Variants in MS4A18 observed in about 807,000 individuals in gnomAD.
MS4A18 encodes membrane spanning 4-domains A18, also known as membrane-spanning 4-domains subfamily A member 18.
MS4A18 carries 27 observed loss-of-function variants against 13.1 expected under a neutral mutation model. The ratio of observed to expected loss-of-function variants is 2.06; its 90% confidence interval spans 1.52 to 2.84. MS4A18 has a LOEUF of 2.84. Ranked by LOEUF, MS4A18 falls within the 30% of genes most tolerant of loss-of-function variation. The probability of loss-of-function intolerance (pLI) is 0.00; values close to 1 mark genes in which losing one functional copy is unlikely to be tolerated. For missense variants in MS4A18, 307 were observed against 196.4 expected (o/e 1.56, Z -3.37); for synonymous variants, 126 against 76.5 (o/e 1.65, Z -3.38).
At chr11:60,734,535 T>C (rs970391952) in intron 2 of MS4A18, among the ~76,000 whole-genome samples, 4 of 152,176 alleles carry the variant, frequency 2.6e-5, no homozygotes, top group Non-Finnish European at 5.9e-5. Flanking sequence ...TTCAGTATAT[T>C]TCATCTTGCA....
intron 5 of MS4A18, among the ~76,000 whole-genome samples, chr11:60,743,319 T>C (rs1417113750): frequency 6.6e-6 from 1 of 152,252 alleles, no homozygotes; most frequent in Admixed American, 6.5e-5. Flanking sequence ...CTGGATAGTA[T>C]TGGGCAGTCC....
chr11:60,737,010 T>C, exon 3 of MS4A18: 3 of 702,630 alleles, frequency 4.3e-6, no homozygotes, highest in Non-Finnish European at 7.8e-6. Context: ...CAGTATGGGC[T>C]GCAAAGGACC....
At chr11:60,726,234 G>T (rs115031664), upstream of MS4A18, among the ~76,000 whole-genome samples, 2,458 of 152,286 alleles carry the variant, frequency 0.016, 64 homozygotes, top group African/African-American at 0.057. Flanking sequence ...GAAGACAGGG[G>T]TGAATGCCTT....
chr11:60,731,720 C>T (rs547438126), intron 1 of MS4A18, among the ~76,000 whole-genome samples: 1 of 152,308 alleles, frequency 6.6e-6, no homozygotes, highest in East Asian at 1.9e-4. Flanking sequence ...TAACATTGTT[C>T]TCAAACAGTT....
At chr11:60,726,717 CT>C (rs1241356109), upstream of MS4A18, among the ~76,000 whole-genome samples, 2 of 124,910 alleles carry the variant, frequency 1.6e-5, no homozygotes, top group Non-Finnish European at 3.4e-5. Flanking sequence ...TGGGGTAACA[CT>C]TTTATTTTAT....
exon 4 of MS4A18, chr11:60,738,937 A>C (rs1259605339): frequency 2.8e-6 from 2 of 702,608 alleles, no homozygotes; most frequent in East Asian, 5.4e-5. Flanking sequence ...TCATCAGCGC[A>C]CTCTTCGCCT....
At chr11:60,726,866 C>T (rs374593324), upstream of MS4A18, among the ~76,000 whole-genome samples, 2 of 151,668 alleles carry the variant, frequency 1.3e-5, no homozygotes, top group African/African-American at 2.4e-5. Context: ...TCTATCAACC[C>T]GTCATCTAGG....
intron 1 of MS4A18, among the ~76,000 whole-genome samples, chr11:60,732,437 T>TA: frequency 6.6e-6 from 1 of 152,058 alleles, no homozygotes; most frequent in Non-Finnish European, 1.5e-5. Flanking sequence ...TTGAAATACT[T>TA]ACTGCATTCA....
In MS4A18 at chr11:60,741,018, CTT is replaced by C. The variant is rs1590965584; in HGVS notation, c.745-10_745-9del. 1.4e-6 allele frequency: 1 copy of C among 703,032 alleles called. No homozygotes were observed. The highest frequency in any genetic ancestry group is 2.7e-5 in the East Asian group (1 of 37,292). 43.5% of individuals were successfully genotyped at this position (703,032 alleles called of 1,614,324 possible). A position where few individuals can be genotyped will look rare whatever the true frequency, so the allele number is the denominator to read the frequency against. ...GAAGGACTAAATGCCTTCCATTTCT[CTT>C]TGCCTTTAGACATATTCAAAGGCGG... On this transcript the variant is annotated splice_polypyrimidine_tract_variant and intron_variant, in intron 4 of 5. Transcript: ENST00000529108.
chr11:60,737,121 G>A (rs1565060874), intron 3 of MS4A18, 87 bp downstream of exon 4: 17 of 697,428 alleles, frequency 2.4e-5, no homozygotes, highest in Non-Finnish European at 4.2e-5. Context: ...CACAGTAGTG[G>A]TGTGGCCTGG....
intron 1 of MS4A18, among the ~76,000 whole-genome samples, chr11:60,732,730 CAAAA>C (rs200295786): frequency 2.8e-5 from 2 of 71,010 alleles, no homozygotes; most frequent in Non-Finnish European, 3.3e-5. Context: ...GACTCCGTCT[CAAAA>C]AAAAAAAAAA....
chr11:60,740,958 C>T, intron 4 of MS4A18, 72 bp from the exon 6 acceptor site: 1 of 700,674 alleles, frequency 1.4e-6, no homozygotes. Context: ...GTGTGTGGCA[C>T]TCCAAATGTG....
chr11:60,744,220 G>A, downstream of MS4A18: 1 of 526,684 alleles, frequency 1.9e-6, no homozygotes, highest in South Asian at 2.3e-5. Flanking sequence ...TTGGCTCTCA[G>A]TATCTTTTAA....
chr11:60,737,143 G>A, intron 3 of MS4A18, 109 bp downstream of exon 4: 2 of 679,180 alleles, frequency 2.9e-6, no homozygotes, highest in South Asian at 1.6e-5. Flanking sequence ...CCTGGCCCTG[G>A]GTACAGTGCA....
intron 1 of MS4A18, among the ~76,000 whole-genome samples, chr11:60,731,405 A>G (rs1291225069): frequency 6.6e-6 from 1 of 152,252 alleles, no homozygotes. Context: ...GACTATCTTT[A>G]ATCAATTACA....
chr11:60,739,952 A>G (rs1175102509), intron 4 of MS4A18, among the ~76,000 whole-genome samples: 3 of 152,212 alleles, frequency 2.0e-5, no homozygotes, highest in African/African-American at 7.2e-5. Flanking sequence ...ACATGTCTAC[A>G]GGGGTGAGGG....
exon 6 of MS4A18, chr11:60,744,064 C>A: frequency 1.5e-6 from 1 of 650,410 alleles, no homozygotes; most frequent in Non-Finnish European, 2.8e-6. Flanking sequence ...GTAGCTGTAT[C>A]TTTTCTTCTC....
chr11:60,738,837 C>G (rs1424060517), intron 3 of MS4A18, 65 bp from the exon 5 acceptor site: 2 of 689,958 alleles, frequency 2.9e-6, no homozygotes, highest in East Asian at 5.4e-5. Context: ...CCCAAGAGTC[C>G]CCACAAGCCA....
Sources: gnomAD v4.1 joint callset for allele counts (sites outside exome capture counted in the v4.1 genomes callset) on GRCh38, gnomAD v4.1.1 for gene constraint, MANE v1.5 for transcripts, NCBI Gene and HGNC (gene_info 2026-07-23, HGNC 2026-07-21) for gene names.